Variants in THEMIS observed in about 807,000 individuals in gnomAD.
THEMIS encodes the protein thymocyte selection associated.
In THEMIS, 37 loss-of-function variants were observed where a neutral mutation model predicts 52.6. The ratio of observed to expected loss-of-function variants is 0.70; its 90% confidence interval spans 0.54 to 0.93. THEMIS has a LOEUF of 0.93. THEMIS is among the 40% of genes least tolerant of loss of function. The probability of loss-of-function intolerance (pLI) is 0.00; values close to 1 mark genes in which losing one functional copy is unlikely to be tolerated. For missense variants in THEMIS, 808 were observed against 763.1 expected, an observed-to-expected ratio of 1.06 and a Z score of -0.69; for synonymous variants, 292 against 272.7, an observed-to-expected ratio of 1.07 and a Z score of -0.70.
intron 4 of THEMIS, among the ~76,000 whole-genome samples, chr6:127,791,014 T>C (rs1228663028): frequency 1.3e-5 from 2 of 152,212 alleles, no homozygotes; most frequent in Non-Finnish European, 2.9e-5. Context: ...CTGGGTTGTC[T>C]GAAGGGCTGA....
At chr6:127,774,893 G>A (rs763941997) in intron 4 of THEMIS, among the ~76,000 whole-genome samples, 4 of 152,126 alleles carry the variant, frequency 2.6e-5, no homozygotes, top group Admixed American at 6.5e-5. Flanking sequence ...TTGATCAGAA[G>A]ACCATCAAAT....
upstream of THEMIS, chr6:127,901,183 A>G (rs1026666583): frequency 3.1e-5 from 17 of 544,674 alleles, no homozygotes; most frequent in African/African-American, 3.1e-4. Context: ...CTGACATTGA[A>G]GTTGAACAGG....
intron 4 of THEMIS, among the ~76,000 whole-genome samples, chr6:127,745,831 A>C (rs1164895453): frequency 6.6e-6 from 1 of 151,892 alleles, no homozygotes; most frequent in African/African-American, 2.4e-5. Context: ...CACTCACAAA[A>C]GACCTGCTTG....
chr6:127,774,983 A>C (rs1469464033), intron 4 of THEMIS, among the ~76,000 whole-genome samples: 1 of 152,152 alleles, frequency 6.6e-6, no homozygotes, highest in African/African-American at 2.4e-5. Flanking sequence ...ACATACCTCC[A>C]CTTAAAAAGA....
intron 4 of THEMIS, among the ~76,000 whole-genome samples, chr6:127,750,119 G>A (rs1391211072): frequency 6.6e-6 from 1 of 150,650 alleles, no homozygotes; most frequent in East Asian, 1.9e-4. Context: ...CCTCTGTGCA[G>A]GTCTCAATCA....
the THEMIS span, among the ~76,000 whole-genome samples, chr6:127,700,726 C>T: frequency 6.6e-6 from 1 of 152,134 alleles, no homozygotes; most frequent in Non-Finnish European, 1.5e-5. Context: ...AAACTGCACA[C>T]AGGGGATTCT....
chr6:127,795,826 G>T (rs2114540008), intron 4 of THEMIS, among the ~76,000 whole-genome samples: 1 of 152,238 alleles, frequency 6.6e-6, no homozygotes, highest in South Asian at 2.1e-4. Context: ...TCCATATTAG[G>T]AAGTACTAGA....
At chr6:127,791,388 C>A (rs7750143) in intron 4 of THEMIS, among the ~76,000 whole-genome samples, 3,422 of 152,262 alleles carry the variant, frequency 0.022, 141 homozygotes, top group African/African-American at 0.079. Context: ...AGGAGACCCA[C>A]AATGGGTAGT....
chr6:127,784,841 T>C (rs893080814), intron 4 of THEMIS, among the ~76,000 whole-genome samples: 10 of 152,100 alleles, frequency 6.6e-5, no homozygotes, highest in Admixed American at 2.0e-4. Flanking sequence ...AACTTAGGCC[T>C]GTTTGAGAGG....
chr6:127,755,173 A>G (rs1207954709), intron 4 of THEMIS, among the ~76,000 whole-genome samples: 1 of 152,218 alleles, frequency 6.6e-6, no homozygotes, highest in East Asian at 1.9e-4. Context: ...CTCTTGCACT[A>G]TATCTAGCTT....
intron 1 of THEMIS, among the ~76,000 whole-genome samples, chr6:127,891,635 A>G (rs1173601103): frequency 1.3e-5 from 2 of 151,990 alleles, no homozygotes; most frequent in African/African-American, 4.8e-5. Flanking sequence ...TCTTCACACT[A>G]AATCAAGGCA....
intron 5 of THEMIS, among the ~76,000 whole-genome samples, chr6:127,718,845 A>G (rs1464275183): frequency 3.3e-5 from 5 of 151,898 alleles, no homozygotes; most frequent in African/African-American, 1.2e-4. Flanking sequence ...AGAAGCCAGT[A>G]AGCTAACTAC....
chr6:127,908,179 T>C (rs918984773), intron 1 of THEMIS, among the ~76,000 whole-genome samples: 1 of 152,146 alleles, frequency 6.6e-6, no homozygotes, highest in African/African-American at 2.4e-5. Flanking sequence ...CATCCTTTTT[T>C]CTAAATTAAT....
In THEMIS at chr6:127,730,308, AAAGAAAAGAG is replaced by A. The variant is rs1310428220; in HGVS notation, c.1759-10495_1759-10486del. The stretch of plus-strand genomic sequence containing the variant: ...AAAGAAAAGAAAAGAAAAGAAAAGA[AAAGAAAAGAG>A]AAAAAAAGAAAAGAAAAGAAAAGAA... On this transcript the variant is annotated intron_variant, in intron 4 of 5. Coordinates refer to ENST00000368248, the MANE Select transcript of THEMIS (RefSeq NM_001010923.3). Among the ~76,000 whole-genome samples, 268 of 142,942 alleles carry A rather than the reference AAAGAAAAGAG, an allele frequency of 1.9e-3. 1 individual carries two copies. Among genetic ancestry groups the A allele is most frequent in the African/African-American group, 4.8e-3 (171 of 35,646 alleles). 93.8% of individuals were successfully genotyped at this position (142,942 alleles called of 152,430 possible).
intron 4 of THEMIS, among the ~76,000 whole-genome samples, chr6:127,726,283 G>C (rs1037686391): frequency 3.3e-5 from 5 of 152,088 alleles, no homozygotes; most frequent in Admixed American, 6.6e-5. Flanking sequence ...GGAAAAGAAA[G>C]ATGCCTGAAT....
chr6:127,729,209 C>G (rs1047530910), intron 4 of THEMIS, among the ~76,000 whole-genome samples: 1 of 131,710 alleles, frequency 7.6e-6, no homozygotes. Flanking sequence ...TCTCTTCACT[C>G]ATCCCCAGAG....
At chr6:127,915,588 G>GAGAC (rs1438494701) in intron 1 of THEMIS, among the ~76,000 whole-genome samples, 23 of 26,688 alleles carry the variant, frequency 8.6e-4, no homozygotes, top group Non-Finnish European at 1.7e-3. Context: ...CAGAGAGAAA[G>GAGAC]AGAGAGAGAG....
intron 3 of THEMIS, among the ~76,000 whole-genome samples, chr6:127,815,298 C>T (rs61481889): frequency 6.6e-6 from 1 of 152,148 alleles, no homozygotes; most frequent in African/African-American, 2.4e-5. Flanking sequence ...TCCAGCCACC[C>T]TTCCGTCATT....
rs1426920578 is a variant in THEMIS, at chr6:127,708,558, G to A, written c.*1427C>T. 6.6e-6 allele frequency: 1 copy of A among 152,006 alleles called. No individual in the cohort carries two copies. The highest frequency in any genetic ancestry group is 2.4e-5 in the African/African-American group (1 of 41,408). 9.4% of individuals were successfully genotyped at this position (152,006 alleles called of 1,614,324 possible). ...GGCTGTTAGGTTAAGATTCGCTGTGGCCTTCAATAACCAAATGTGGGTCTT... is the reference window on the plus strand; with the variant it reads ...GGCTGTTAGGTTAAGATTCGCTGTGACCTTCAATAACCAAATGTGGGTCTT... On this transcript the variant is annotated 3_prime_UTR_variant, in exon 6 of 6. Transcript: ENST00000368248.
Sources: allele counts gnomAD v4.1 joint callset (sites outside exome capture counted in the v4.1 genomes callset), GRCh38; gene constraint gnomAD v4.1.1; transcripts MANE v1.5; gene names NCBI Gene and HGNC (gene_info 2026-07-23, HGNC 2026-07-21).